The following CIITA variants were observed in gnomAD, a reference collection of about 807,000 sequenced individuals.
CIITA encodes the protein class II major histocompatibility complex transactivator, also known as MHC class II transactivator.
Under a neutral mutation model 115.1 loss-of-function variants are expected in CIITA, and 72 were observed. That is an observed-to-expected ratio of 0.63 (90% CI 0.52 to 0.76). The LOEUF (loss-of-function observed/expected upper bound fraction) is 0.76. Ranked by LOEUF, CIITA falls within the 30% of genes least tolerant of loss-of-function variation. CIITA has a pLI of 0.00. For missense variants in CIITA, 1,617 were observed against 1,463.8 expected (o/e 1.10, Z -1.71); for synonymous variants, 763 against 635.6 (o/e 1.20, Z -3.02).
intron 16 of CIITA, among the ~76,000 whole-genome samples, chr16:10,921,338 C>T (rs539758928): frequency 2.4e-4 from 36 of 152,330 alleles, no homozygotes; most frequent in African/African-American, 8.7e-4. Flanking sequence ...GCTACTAATG[C>T]TGGTTGTGAA....
intron 1 of CIITA, chr16:10,878,959 G>C (rs1596421546): frequency 8.9e-6 from 2 of 224,716 alleles, no homozygotes; most frequent in East Asian, 6.4e-5. Flanking sequence ...ACCAGCGGAC[G>C]AGCTGCCACA....
chr16:10,901,894 T>C lies in CIITA; in HGVS notation c.482-144T>C. 8.3e-7 allele frequency: 1 copy of C among 1,198,264 alleles called. No homozygotes were observed. The highest frequency in any genetic ancestry group is 1.2e-6 in the Non-Finnish European group (1 of 823,770). 74.2% of individuals were successfully genotyped at this position (1,198,264 alleles called of 1,614,324 possible). On this transcript the variant is annotated intron_variant, in intron 6 of 19. Coordinates refer to ENST00000324288, the MANE Select transcript of CIITA (RefSeq NM_000246.4). This position sits in a 1 kb window ranked among gnomAD's most constrained non-coding sequence, Gnocchi z 6.8. ...GGACTGCCTGGCACAGAGCAGTTGC[T>C]GATCAACACAGCTGCAGCCAGGGCT...
intron 15 of CIITA, chr16:10,917,052 G>T (rs1288193655): frequency 4.4e-5 from 10 of 229,534 alleles, no homozygotes; most frequent in East Asian, 6.4e-5. Context: ...ATACTGGGGG[G>T]TGAAATAGGA....
intron 1 of CIITA, among the ~76,000 whole-genome samples, chr16:10,885,233 G>A (rs1395583572): frequency 2.6e-5 from 4 of 152,182 alleles, no homozygotes; most frequent in African/African-American, 9.7e-5. Flanking sequence ...CACAGCTGAG[G>A]AGCTTGCAGG....
chr16:10,901,874 G>C lies in CIITA; in HGVS notation c.482-164G>C. On this transcript the variant is annotated intron_variant, in intron 6 of 19. Transcript: ENST00000324288. The surrounding 1 kb of genome is among the most constrained non-coding windows in gnomAD (Gnocchi z 6.8). ...GTCACAAGGAGAGGACTGGGGGACT[G>C]CCTGGCACAGAGCAGTTGCTGATCA... is the stretch of plus-strand genomic sequence containing the variant. 1 of 1,020,766 alleles carries C rather than the reference G, an allele frequency of 9.8e-7. No homozygotes were observed. Among genetic ancestry groups the C allele is most frequent in the Non-Finnish European group, 1.5e-6 (1 of 667,992 alleles). 63.2% of individuals were successfully genotyped at this position (1,020,766 alleles called of 1,614,324 possible). A position where few individuals can be genotyped will look rare whatever the true frequency, so the allele number is the denominator to read the frequency against.
At chr16:10,884,081 A>AGAGCAG in intron 1 of CIITA, among the ~76,000 whole-genome samples, 1 of 137,998 alleles carries the variant, frequency 7.2e-6, no homozygotes, top group South Asian at 2.4e-4. Context: ...GGACAGATAC[A>AGAGCAG]TGATGTAATG....
rs902893971 is a variant in CIITA, at chr16:10,929,671, G to T, written c.*5816G>T. On this transcript the variant is annotated 3_prime_UTR_variant, in exon 20 of 20. Coordinates refer to ENST00000324288, the MANE Select transcript of CIITA (RefSeq NM_000246.4). The surrounding 1 kb of genome is among the most constrained non-coding windows in gnomAD (Gnocchi z 4.3). ...CTCGGGAGGCTTGGGGTGGGGCAGG[G>T]AAGTCTTCCTCCATCCCTCAAATTT... 6 of 569,972 alleles carry T rather than the reference G, an allele frequency of 1.1e-5. No homozygotes were observed. Among genetic ancestry groups the T allele is most frequent in the Non-Finnish European group, 1.3e-5 (6 of 450,556 alleles). 35.3% of individuals were successfully genotyped at this position (569,972 alleles called of 1,614,324 possible).
Position 10,901,163 on chromosome 16 carries a change from G to A in CIITA, c.437-351G>A, listed in dbSNP as rs2038708966. On this transcript the variant is annotated intron_variant, in intron 5 of 19. Coordinates refer to ENST00000324288, the MANE Select transcript of CIITA (RefSeq NM_000246.4). The surrounding 1 kb of genome is among the most constrained non-coding windows in gnomAD (Gnocchi z 6.8). The stretch of plus-strand genomic sequence containing the variant: ...GAACCACCACCCCCATTTCATAGAT[G>A]TGAGATCAAAGGTTCAGAGAAGCTG... 6.6e-6 allele frequency among the ~76,000 whole-genome samples: 1 copy of A among 152,220 alleles called. No homozygotes were observed. The highest frequency in any genetic ancestry group is 2.4e-5 in the African/African-American group (1 of 41,450).
Position 10,941,707 on chromosome 16 carries a change from CA to C in CIITA, n.834del. 6.3e-7 allele frequency: 1 copy of C among 1,596,624 alleles called. No homozygotes were observed. Among genetic ancestry groups the C allele is most frequent in the Non-Finnish European group, 8.5e-7 (1 of 1,170,488 alleles). On this transcript the variant is annotated non_coding_transcript_exon_variant, in exon 2 of 2. Coordinates refer to the CIITA transcript ENST00000573379. The surrounding 1 kb of genome is among the most constrained non-coding windows in gnomAD (Gnocchi z 6.4). ...GATCGTGTAGGGAAGAGGGGAACAG[CA>C]GTCGAGACCCTACTCCAAGTACGCA...
intron 3 of CIITA, among the ~76,000 whole-genome samples, chr16:10,896,311 A>T (rs1224265178): frequency 1.3e-5 from 2 of 152,244 alleles, no homozygotes; most frequent in Non-Finnish European, 2.9e-5. Context: ...AGAGATAGTA[A>T]TGTACAGATC....
At chr16:10,921,029 C>T (rs974490739) in intron 16 of CIITA, among the ~76,000 whole-genome samples, 19 of 152,134 alleles carry the variant, frequency 1.2e-4, no homozygotes, top group Non-Finnish European at 7.3e-5. Flanking sequence ...CCATCACACC[C>T]GGCTAATTTT....
chr16:10,895,893 C>A (rs575100101), intron 3 of CIITA, 129 bp downstream of exon 3: 4 of 915,856 alleles, frequency 4.4e-6, no homozygotes, highest in South Asian at 4.2e-5. Context: ...AAGGGGGATG[C>A]GGAGCAATGG....
In CIITA at chr16:10,903,878, C is replaced by G. The variant is rs774810733; in HGVS notation, c.920C>G (p.Ser307Cys). ...AGCATGCCTGAACCTGCCCTGACCTCCCGAGCAAACATGACAGGTAAGGAC... is the reference window on the plus strand; with the variant it reads ...AGCATGCCTGAACCTGCCCTGACCTGCCGAGCAAACATGACAGGTAAGGAC... ...LPSMPEPALT[S>C]RANMTEHKTS... Residue 307 changes from serine (S) to cysteine (C), a missense_variant, in exon 9 of 20, where the codon TCC (serine) becomes TGC (cysteine). Coordinates refer to ENST00000324288, the MANE Select transcript of CIITA (RefSeq NM_000246.4). 6.2e-7 allele frequency: 1 copy of G among 1,614,218 alleles called. No homozygotes were observed. Among genetic ancestry groups the G allele is most frequent in the Admixed American group, 1.7e-5 (1 of 60,022 alleles).
At chr16:10,867,309 C>A (rs1462680849) in intron 1 of CIITA, among the ~76,000 whole-genome samples, 3 of 130,406 alleles carry the variant, frequency 2.3e-5, no homozygotes, top group Non-Finnish European at 3.5e-5. Flanking sequence ...GAAAGCAGAG[C>A]CCACTGTGTG....
intron 1 of CIITA, 48 bp downstream of exon 1, chr16:10,877,430 G>C (rs1202506725): frequency 1.3e-6 from 2 of 1,567,676 alleles, no homozygotes; most frequent in South Asian, 2.3e-5. Context: ...GTCTCAGCTG[G>C]TCCTGCCATT....
intron 1 of CIITA, among the ~76,000 whole-genome samples, chr16:10,888,072 T>C (rs2037141341): frequency 6.6e-6 from 1 of 152,192 alleles, no homozygotes; most frequent in Non-Finnish European, 1.5e-5. Context: ...AAATCTCCCC[T>C]GGTCACTCTC....
intron 1 of CIITA, among the ~76,000 whole-genome samples, chr16:10,881,402 A>G (rs1198019116): frequency 6.6e-6 from 1 of 152,222 alleles, no homozygotes; most frequent in Admixed American, 6.5e-5. Context: ...AGAAAGGGGC[A>G]TTAGTTACCA....
Position 10,935,868 on chromosome 16 carries a change from G to C in CIITA, c.*12013G>C, listed in dbSNP as rs1221623532. On this transcript the variant is annotated 3_prime_UTR_variant, in exon 20 of 20. Coordinates refer to ENST00000324288, the MANE Select transcript of CIITA (RefSeq NM_000246.4). Reference sequence around the variant, plus strand: ...ATATGTCAATGTCACAAGAGAGAAAGACAGACTGAAGAGCTGATCCAGACT... The same window carrying C: ...ATATGTCAATGTCACAAGAGAGAAACACAGACTGAAGAGCTGATCCAGACT... 5 of 152,184 alleles carry C rather than the reference G, an allele frequency of 3.3e-5. No individual in the cohort carries two copies. Among genetic ancestry groups the C allele is most frequent in the Non-Finnish European group, 7.3e-5 (5 of 68,030 alleles). The allele number at this position is 152,184 out of a possible 1,614,324, so 9.4% of individuals were successfully genotyped here.
chr16:10,905,812 G>C (rs1242341188), intron 10 of CIITA, among the ~76,000 whole-genome samples: 3 of 151,988 alleles, frequency 2.0e-5, no homozygotes, highest in Non-Finnish European at 2.9e-5. Context: ...TTAAACAAGA[G>C]AGACGATGAG....
Sources: allele counts gnomAD v4.1 joint callset (sites outside exome capture counted in the v4.1 genomes callset), GRCh38; gene constraint gnomAD v4.1.1; non-coding constraint Gnocchi (gnomAD v3.1); transcripts MANE v1.5; gene names NCBI Gene and HGNC (gene_info 2026-07-23, HGNC 2026-07-21).